The following LYRM9 variants were observed in gnomAD, a reference collection of about 807,000 sequenced individuals.
LYRM9 encodes LYR motif containing 9.
LYRM9 carries 14 observed loss-of-function variants against 12.6 expected under a neutral mutation model. That is an observed-to-expected ratio of 1.11 (90% CI 0.73 to 1.73). LYRM9 has a LOEUF of 1.73. LYRM9 is among the 40% of genes most tolerant of loss of function. The pLI, the probability that LYRM9 is intolerant of heterozygous loss-of-function variation, is 0.00. For synonymous variants in LYRM9, 42 were observed against 35.1 expected (o/e 1.20, Z -0.69); for missense variants, 94 against 95.0 (o/e 0.99, Z 0.04).
Position 27,889,996 on chromosome 17 carries a change from C to T in LYRM9, c.-19+3321G>A, listed in dbSNP as rs185132692. On this transcript the variant is annotated intron_variant, in intron 1 of 3. Transcript: ENST00000379102. ...TTTTCATGTTACCTCATTTAATCCT[C>T]ACAACAATATTTTAAGGGAGGTATC... 2.3e-3 allele frequency among the ~76,000 whole-genome samples: 346 copies of T among 152,272 alleles called. 1 individual carries two copies. The highest frequency in any genetic ancestry group is 3.8e-3 in the Non-Finnish European group (256 of 68,030).
In LYRM9 at chr17:27,880,254, C is replaced by A. The variant is rs543170973; in HGVS notation, c.219+20G>T. 21 of 1,581,892 alleles carry A rather than the reference C, an allele frequency of 1.3e-5. No individual in the cohort carries two copies. The Admixed American group carries it at 1.8e-4, about 13-fold the overall frequency. ...TCATCACCCCAGCTCGCAGGCAGAG[C>A]CCAGGGGCCAAGCACCTACTTTGTT... On this transcript the variant is annotated intron_variant, in intron 3 of 3. Transcript: ENST00000379102.
chr17:27,881,950 G>T (rs1205261929), intron 2 of LYRM9, among the ~76,000 whole-genome samples: 1 of 152,096 alleles, frequency 6.6e-6, no homozygotes, highest in South Asian at 2.1e-4. Context: ...GTAGAGACAA[G>T]GTCTTTCTAT....
At chr17:27,887,804 T>C (rs1379784014) in intron 1 of LYRM9, among the ~76,000 whole-genome samples, 5 of 151,756 alleles carry the variant, frequency 3.3e-5, no homozygotes, top group African/African-American at 9.7e-5. Context: ...CTCATGCAAT[T>C]ATGGAGATTG....
intron 1 of LYRM9, among the ~76,000 whole-genome samples, chr17:27,883,778 C>CT (rs1211562659): frequency 1.6e-5 from 2 of 123,070 alleles, no homozygotes; most frequent in Non-Finnish European, 3.2e-5. Context: ...GATCACACAG[C>CT]TAATAAAGCT....
rs1233883451 is a variant in LYRM9 at position 27,886,390 on chromosome 17, C to T, written c.-18-3678G>A. Among the ~76,000 whole-genome samples the T allele has an allele frequency of 1.3e-5, 2 of 152,174 alleles. No individual in the cohort carries two copies. The highest frequency in any genetic ancestry group is 2.9e-5 in the Non-Finnish European group (2 of 68,028). ...AAAAATGTTTTAATTTAATTTAAAG[C>T]GTAGGTTTGCTATTATTTAAGGGGC... On this transcript the variant is annotated intron_variant, in intron 1 of 3. Coordinates refer to ENST00000379102, the MANE Select transcript of LYRM9 (RefSeq NM_001076680.3). This position sits in a 1 kb window ranked among gnomAD's most constrained non-coding sequence, Gnocchi z 4.8.
chr17:27,879,614 T>A (rs1904969175), intron 3 of LYRM9, 124 bp from the exon 4 acceptor site: 2 of 1,054,530 alleles, frequency 1.9e-6, no homozygotes, highest in African/African-American at 3.3e-5. Flanking sequence ...TTGGAGGTGG[T>A]GAAACCCAAG....
chr17:27,891,289 A>G (rs1477476824), intron 1 of LYRM9, among the ~76,000 whole-genome samples: 2 of 152,214 alleles, frequency 1.3e-5, no homozygotes, highest in Non-Finnish European at 2.9e-5. Flanking sequence ...GGGATCAGAC[A>G]GTCTGGGTTC....
At chr17:27,887,812 T>C (rs1381573208) in intron 1 of LYRM9, among the ~76,000 whole-genome samples, 2 of 150,324 alleles carry the variant, frequency 1.3e-5, no homozygotes, top group African/African-American at 4.9e-5. Context: ...ATTATGGAGA[T>C]TGGCAAGTCC....
chr17:27,879,798 C>T, intron 3 of LYRM9: 1 of 541,984 alleles, frequency 1.8e-6, no homozygotes, highest in Non-Finnish European at 3.3e-6. Context: ...CCTTCTAATA[C>T]CAGCATCTAA....
chr17:27,879,537 C>G, intron 3 of LYRM9, 47 bp from the exon 4 acceptor site: 1 of 1,545,324 alleles, frequency 6.5e-7, no homozygotes, highest in Non-Finnish European at 8.7e-7. Context: ...CCAACAGGGG[C>G]AGGAGGACTC....
rs754971464 is a variant in LYRM9, at chr17:27,882,599, G to T, written c.96C>A (p.Ile32=). ...RCCQQLPTKG[I]QQHYKHAVRQ... ...TGACAGCATGCTTGTAATGCTGCTG[G>T]ATGCCCTTGGTCGGCAGCTGCTGGC... The change falls in exon 2 of 4, where the codon ATC becomes ATA. Residue 32 remains isoleucine, a synonymous_variant. Coordinates refer to ENST00000379102, the MANE Select transcript of LYRM9 (RefSeq NM_001076680.3). The T allele has an allele frequency of 3.8e-6, 6 of 1,596,458 alleles. No homozygotes were observed. In the African/African-American group the frequency reaches 5.4e-5, roughly 14 times the overall value.
intron 1 of LYRM9, among the ~76,000 whole-genome samples, chr17:27,883,996 T>A (rs976109070): frequency 2.0e-5 from 3 of 151,968 alleles, no homozygotes; most frequent in Non-Finnish European, 4.4e-5. Flanking sequence ...AACATATCTA[T>A]CATCACCAAA....
chr17:27,879,668 C>A lies in LYRM9; in HGVS notation c.220-178G>T. The stretch of plus-strand genomic sequence containing the variant: ...CAAATCTCTAGTTCATGCCTGGACT[C>A]CCTTTCTTCTTTAGTGAAAAAGGAA... On this transcript the variant is annotated intron_variant, in intron 3 of 3. Transcript: ENST00000379102. 5.0e-6 allele frequency: 3 copies of A among 599,638 alleles called. No homozygotes were observed. In the South Asian group the frequency reaches 6.4e-5, roughly 13 times the overall value. The allele number at this position is 599,638 out of a possible 1,614,324, so 37.1% of individuals were successfully genotyped here.
At chr17:27,887,263 T>C (rs1368456494) in intron 1 of LYRM9, among the ~76,000 whole-genome samples, 1 of 152,250 alleles carries the variant, frequency 6.6e-6, no homozygotes, top group African/African-American at 2.4e-5. Flanking sequence ...CTTTAAGTAG[T>C]ATACAGCCAG....
rs190255328 is a variant in LYRM9 at position 27,889,401 on chromosome 17, G to A, written c.-19+3916C>T. Among the ~76,000 whole-genome samples the A allele has an allele frequency of 2.3e-3, 347 of 151,500 alleles. 1 individual carries two copies. The highest frequency in any genetic ancestry group is 7.9e-3 in the African/African-American group (326 of 41,218). ...TGGCTCACTGCAACCTCTGCCTCCC[G>A]GGTTCAAGCAATTCTCCTGCCTCAG... On this transcript the variant is annotated intron_variant, in intron 1 of 3. Transcript: ENST00000379102.
At chr17:27,882,359 T>C (rs1168700693) in intron 2 of LYRM9, among the ~76,000 whole-genome samples, 2 of 152,210 alleles carry the variant, frequency 1.3e-5, no homozygotes, top group African/African-American at 4.8e-5. Flanking sequence ...ATGCATGCCC[T>C]AGCACAGCTG....
intron 3 of LYRM9, chr17:27,880,056 A>T (rs904294505): frequency 1.0e-5 from 7 of 695,524 alleles, no homozygotes; most frequent in Admixed American, 8.5e-5. Flanking sequence ...GCCTTTAAGG[A>T]TGAAGAGTGA....
At chr17:27,879,748 G>A (rs978390015) in intron 3 of LYRM9, 4 of 539,754 alleles carry the variant, frequency 7.4e-6, no homozygotes, top group Non-Finnish European at 1.3e-5. Context: ...GAGTGAGTTA[G>A]AAGGACAGGG....
intron 1 of LYRM9, chr17:27,893,085 C>A (rs970686408): frequency 7.2e-5 from 11 of 152,254 alleles, no homozygotes; most frequent in African/African-American, 2.7e-4. Context: ...CGAGGCCGCC[C>A]GGCCAGGCCT....
Sources: gnomAD v4.1 joint callset for allele counts (sites outside exome capture counted in the v4.1 genomes callset) on GRCh38, gnomAD v4.1.1 for gene constraint, Gnocchi (gnomAD v3.1) non-coding constraint, MANE v1.5 for transcripts, NCBI Gene and HGNC (gene_info 2026-07-23, HGNC 2026-07-21) for gene names.